The following LARGE1 variants were observed in gnomAD, a reference collection of about 807,000 sequenced individuals.
LARGE1 encodes xylosyl- and glucuronyltransferase LARGE1.
In LARGE1, 43 loss-of-function variants were observed where a neutral mutation model predicts 87.6. The observed-to-expected ratio is 0.49, with a 90% confidence interval of 0.38 to 0.63. The LOEUF is 0.63. Among genes scored for constraint, LARGE1 ranks in the 30% least tolerant of loss-of-function variants. The pLI, the probability that LARGE1 is intolerant of heterozygous loss-of-function variation, is 0.00. For missense variants in LARGE1, 802 were observed against 1,000.2 expected (o/e 0.80, Z 2.67); for synonymous variants, 434 against 394.6 (o/e 1.10, Z -1.18).
the LARGE1 span, among the ~76,000 whole-genome samples, chr22:33,132,724 T>C: frequency 0.6 from 90,867 of 151,164 alleles, 28,297 homozygotes; most frequent in African/African-American, 0.77. Context: ...TTGGTCCTTC[T>C]TTGATGTGTC....
At chr22:33,417,876 A>C (rs1243619330) in intron 7 of LARGE1, among the ~76,000 whole-genome samples, 1 of 152,154 alleles carries the variant, frequency 6.6e-6, no homozygotes, top group Non-Finnish European at 1.5e-5. Context: ...TGGCAGGTTG[A>C]GTCCTTCTCC....
intron 3 of LARGE1, among the ~76,000 whole-genome samples, chr22:33,642,790 CA>C (rs544812786): frequency 2.2e-3 from 308 of 139,850 alleles, no homozygotes; most frequent in African/African-American, 8.2e-3. Flanking sequence ...CAACAAAGAC[CA>C]AAAGAGACAA....
At chr22:33,304,897 G>A (rs1403255428) in intron 11 of LARGE1, among the ~76,000 whole-genome samples, 1 of 152,156 alleles carries the variant, frequency 6.6e-6, no homozygotes, top group African/African-American at 2.4e-5. Flanking sequence ...CAGCCAGAGA[G>A]GACTTACACA....
intron 11 of LARGE1, among the ~76,000 whole-genome samples, chr22:33,226,165 T>C (rs1025796427): frequency 6.6e-6 from 1 of 152,224 alleles, no homozygotes; most frequent in Non-Finnish European, 1.5e-5. Context: ...AAAGACTGCT[T>C]TATGTTTCAA....
At chr22:33,810,263 A>G (rs2086450838) in intron 1 of LARGE1, among the ~76,000 whole-genome samples, 1 of 152,236 alleles carries the variant, frequency 6.6e-6, no homozygotes, top group Non-Finnish European at 1.5e-5. Flanking sequence ...TCATATAGCT[A>G]GCAAGTGCTG....
chr22:33,853,726 A>G (rs1356380005), intron 1 of LARGE1, among the ~76,000 whole-genome samples: 2 of 152,266 alleles, frequency 1.3e-5, no homozygotes, highest in Non-Finnish European at 2.9e-5. Context: ...AGTTGGAAAC[A>G]GCTTGGTGCC....
chr22:33,456,071 G>C (rs935032818), intron 6 of LARGE1, among the ~76,000 whole-genome samples: 1 of 152,182 alleles, frequency 6.6e-6, no homozygotes, highest in African/African-American at 2.4e-5. Flanking sequence ...CTTTGTAGCT[G>C]GCTGAGCAAT....
intron 10 of LARGE1, among the ~76,000 whole-genome samples, chr22:33,320,453 A>G (rs1262181745): frequency 1.3e-5 from 2 of 152,184 alleles, no homozygotes; most frequent in South Asian, 2.1e-4. Flanking sequence ...CTCCAAGAGC[A>G]CTCAGTTCGT....
At chr22:33,633,290 A>G (rs976522679) in intron 3 of LARGE1, among the ~76,000 whole-genome samples, 1 of 152,138 alleles carries the variant, frequency 6.6e-6, no homozygotes, top group Non-Finnish European at 1.5e-5. Context: ...CATCACCCAG[A>G]TAAGAGACGA....
chr22:33,301,636 A>C (rs558319475), intron 12 of LARGE1, among the ~76,000 whole-genome samples: 1 of 152,290 alleles, frequency 6.6e-6, no homozygotes, highest in South Asian at 2.1e-4. Context: ...TCTCTATTGA[A>C]TTGTACTCAG....
At chr22:33,630,230 A>C (rs560718057) in intron 3 of LARGE1, among the ~76,000 whole-genome samples, 31 of 152,120 alleles carry the variant, frequency 2.0e-4, no homozygotes, top group African/African-American at 5.8e-4. Flanking sequence ...CGAAAACCAA[A>C]AAACAAACAA....
chr22:33,524,304 A>T (rs2071768031), intron 6 of LARGE1, among the ~76,000 whole-genome samples: 1 of 144,046 alleles, frequency 6.9e-6, no homozygotes, highest in African/African-American at 2.6e-5. Context: ...AAAAAAAAAT[A>T]ATAATAATAA....
chr22:33,511,438 T>A (rs1397897860), intron 6 of LARGE1, among the ~76,000 whole-genome samples: 14 of 152,190 alleles, frequency 9.2e-5, no homozygotes, highest in Admixed American at 9.2e-4. Context: ...CAGCTTTGCA[T>A]GATAAATTCC....
chr22:33,553,466 TGATCCCAC>T (rs67246801), intron 6 of LARGE1, among the ~76,000 whole-genome samples: 68,466 of 151,476 alleles, frequency 0.45, 15,670 homozygotes, highest in Admixed American at 0.53. Context: ...CAATGAGCTA[TGATCCCAC>T]GACTGCACTC....
At chr22:33,776,446 T>A (rs2085240398) in intron 1 of LARGE1, among the ~76,000 whole-genome samples, 1 of 152,226 alleles carries the variant, frequency 6.6e-6, no homozygotes, top group African/African-American at 2.4e-5. Flanking sequence ...CGCAAATTTA[T>A]CTTTCCTGAG....
chr22:33,235,019 G>C (rs1926184536), intron 11 of LARGE1, among the ~76,000 whole-genome samples: 1 of 152,340 alleles, frequency 6.6e-6, no homozygotes, highest in South Asian at 2.1e-4. Context: ...TAACTTGCAT[G>C]AGGACTCAAA....
chr22:33,503,119 T>C (rs1264488519), intron 6 of LARGE1, among the ~76,000 whole-genome samples: 1 of 152,110 alleles, frequency 6.6e-6, no homozygotes, highest in Non-Finnish European at 1.5e-5. Flanking sequence ...TGAACTAGAA[T>C]AAAAGGGATG....
At chr22:33,306,450 G>A (rs1934941356) in intron 11 of LARGE1, among the ~76,000 whole-genome samples, 4 of 152,142 alleles carry the variant, frequency 2.6e-5, no homozygotes, top group Admixed American at 2.6e-4. Flanking sequence ...ATGAAGAGAG[G>A]ACCACTTCTC....
chr22:33,390,015 A>AATTTAATTT (rs2065460367), intron 7 of LARGE1, among the ~76,000 whole-genome samples: 1 of 152,194 alleles, frequency 6.6e-6, no homozygotes, highest in African/African-American at 2.4e-5. Context: ...TGGCCAGACC[A>AATTTAATTT]TCTGGTTCTC....
Sources: allele counts gnomAD v4.1 joint callset (sites outside exome capture counted in the v4.1 genomes callset), GRCh38; gene constraint gnomAD v4.1.1; transcripts MANE v1.5; gene names NCBI Gene and HGNC (gene_info 2026-07-23, HGNC 2026-07-21).